APOA5: variants seen among roughly 807,000 people sequenced by gnomAD.
APOA5 encodes apolipoprotein A-V.
A neutral mutation model predicts 31.8 loss-of-function variants in APOA5; 26 were observed. That is an observed-to-expected ratio of 0.82 (90% CI 0.60 to 1.13). APOA5 has a LOEUF of 1.13. APOA5 is among the 50% of genes most tolerant of loss of function. The probability of loss-of-function intolerance (pLI) is 0.00; values close to 1 mark genes in which losing one functional copy is unlikely to be tolerated. For synonymous variants in APOA5, 186 were observed against 198.5 expected, an observed-to-expected ratio of 0.94 and a Z score of 0.53; for missense variants, 450 against 488.0, an observed-to-expected ratio of 0.92 and a Z score of 0.73.
Position 116,790,433 on chromosome 11 carries a change from T to A in APOA5, c.796A>T (p.Thr266Ser). The A allele has an allele frequency of 6.2e-7, 1 of 1,605,430 alleles. No homozygotes were observed. ...ELSRAFAGTG[T>S]EEGAGPDPQM... ...GGGTCCGGGCCGGCCCCTTCCTCAG[T>A]CCCAGTGCCTGCAAAGGCTCTGCTG... is the stretch of plus-strand genomic sequence containing the variant. Residue 266 changes from threonine (T) to serine (S), a missense_variant, in exon 3 of 3, where the codon ACT becomes TCT. By Grantham distance (58) the Thr-to-Ser change is moderately conservative (BLOSUM62 1). Coordinates refer to ENST00000227665, the MANE Select transcript of APOA5 (RefSeq NM_001371904.1).
At chr11:116,791,892 C>T (rs749614750), upstream of APOA5, 40 of 1,613,048 alleles carry the variant, frequency 2.5e-5, no homozygotes, top group Non-Finnish European at 3.3e-5. Context: ...TGGAGGGAGG[C>T]CTGGTTAGGG....
intron 2 of APOA5, chr11:116,791,334 G>T: frequency 2.8e-6 from 2 of 702,648 alleles, no homozygotes; most frequent in Middle Eastern, 2.3e-4. Context: ...TGCAGCGGGC[G>T]TCCTCCCGAT....
At chr11:116,792,329 A>G (rs1408182074), upstream of APOA5, 9 of 272,700 alleles carry the variant, frequency 3.3e-5, no homozygotes, top group East Asian at 7.4e-4. Context: ...GGCCACCTGC[A>G]ATGCCCTCCC....
rs778302124 is a variant in APOA5 at position 116,790,948 on chromosome 11, C to G, written c.281G>C (p.Arg94Pro). 1 of 1,613,120 alleles carries G rather than the reference C, an allele frequency of 6.2e-7. No individual in the cohort carries two copies. Among genetic ancestry groups the G allele is most frequent in the African/African-American group, 1.3e-5 (1 of 74,940 alleles). Residue 94 changes from arginine (R) to proline (P), a missense_variant, in exon 3 of 3, where the codon CGG becomes CCG. Coordinates refer to ENST00000227665, the MANE Select transcript of APOA5 (RefSeq NM_001371904.1). Reference sequence around the variant, plus strand: ...CTCCTCCAACTCCTCCTGCAGCTGCCGCCGCATGCCCACCGGGTCCTGTGG... The same window carrying G: ...CTCCTCCAACTCCTCCTGCAGCTGCGGCCGCATGCCCACCGGGTCCTGTGG... ...RLPQDPVGMR[R>P]QLQEELEEVK...
upstream of APOA5, chr11:116,791,946 G>A: frequency 6.7e-7 from 1 of 1,498,992 alleles, no homozygotes; most frequent in South Asian, 1.2e-5. Context: ...CTTGCCCAGG[G>A]GGCCTCTGCA....
Position 116,790,010 on chromosome 11 carries a change from G to A in APOA5, c.*118C>T. On this transcript the variant is annotated 3_prime_UTR_variant, in exon 3 of 3. Transcript: ENST00000227665. ...GCCCCTTTGGTGGCCTCCCTGTCCT[G>A]CACAGGACCTTCCACCCTCCACCCA... 4 of 1,141,726 alleles carry A rather than the reference G, an allele frequency of 3.5e-6. No individual in the cohort carries two copies. Among genetic ancestry groups the A allele is most frequent in the Non-Finnish European group, 3.8e-6 (3 of 779,546 alleles). 70.7% of individuals were successfully genotyped at this position (1,141,726 alleles called of 1,614,324 possible).
rs765615181 is a variant in APOA5, at chr11:116,790,519, A to G, written c.710T>C (p.Leu237Pro). Residue 237 changes from leucine to proline, a missense_variant, in exon 3 of 3, where the codon CTC becomes CCC. Coordinates refer to ENST00000227665, the MANE Select transcript of APOA5 (RefSeq NM_001371904.1). ...CVQVLSRKLT[L>P]KAKALHARIQ... ...GCGTGCGTGCAGGGCCTTGGCCTTG[A>G]GCGTGAGCTTCCGGGAGAGCACCTG... The G allele has an allele frequency of 6.3e-7, 1 of 1,599,180 alleles. No homozygotes were observed.
Position 116,790,883 on chromosome 11 carries a change from C to A in APOA5, c.346G>T (p.Glu116Ter). Residue 116 changes from glutamate (E) to a stop codon, truncating the protein, a stop_gained, in exon 3 of 3, where the codon GAG becomes TAG. Transcript: ENST00000227665. LOFTEE classifies it high-confidence loss of function. ...CCCTCCAAATTCCAGCCCACCAGCT[C>A]GTGCGCCTCTGCCATGTAGGGCTGG... ...RLQPYMAEAH[E>*]LVGWNLEGLR... 1 of 1,613,666 alleles carries A rather than the reference C, an allele frequency of 6.2e-7. No individual in the cohort carries two copies.
upstream of APOA5, chr11:116,791,956 A>C (rs1941022416): frequency 7.2e-7 from 1 of 1,386,346 alleles, no homozygotes; most frequent in Non-Finnish European, 1.0e-6. Flanking sequence ...GGGCCTCTGC[A>C]GGGGCAACTG....
At chr11:116,791,485 C>G (rs1941010494) in intron 2 of APOA5, 101 bp downstream of exon 2, 1 of 1,230,196 alleles carries the variant, frequency 8.1e-7, no homozygotes, top group Non-Finnish European at 1.2e-6. Context: ...TTTCCTCTGT[C>G]CCAGCAGCGG....
chr11:116,791,218 T>C, intron 2 of APOA5, 151 bp from the exon 3 acceptor site: 2 of 742,366 alleles, frequency 2.7e-6, no homozygotes, highest in South Asian at 1.5e-5. Flanking sequence ...CCCTGGCCAG[T>C]AACAACTCAC....
At chr11:116,791,223 A>C in intron 2 of APOA5, 156 bp from the exon 3 acceptor site, 1 of 730,988 alleles carries the variant, frequency 1.4e-6, no homozygotes, top group Non-Finnish European at 2.4e-6. Flanking sequence ...GCCAGTAACA[A>C]CTCACGCACG....
upstream of APOA5, chr11:116,792,314 CCT>C (rs1337219090): frequency 7.1e-6 from 2 of 281,124 alleles, no homozygotes; most frequent in Non-Finnish European, 1.4e-5. Context: ...CAGGCTCTCC[CCT>C]GAGGCCACCT....
rs1940978343 is a variant in APOA5 at position 116,790,438 on chromosome 11, G to GT, written c.790dup (p.Thr264AsnfsTer4). 1 of 1,605,030 alleles carries GT rather than the reference G, an allele frequency of 6.2e-7. No homozygotes were observed. Among genetic ancestry groups the GT allele is most frequent in the Non-Finnish European group, 8.5e-7 (1 of 1,179,988 alleles). On this transcript the variant is annotated frameshift_variant, in exon 3 of 3. Transcript: ENST00000227665. LOFTEE classifies it high-confidence loss of function. The stretch of plus-strand genomic sequence containing the variant: ...CGGGCCGGCCCCTTCCTCAGTCCCA[G>GT]TGCCTGCAAAGGCTCTGCTGAGCTC...
rs780750063 is a variant in APOA5 at position 116,791,866 on chromosome 11, G to C, written c.-6C>G. The stretch of plus-strand genomic sequence containing the variant: ...ACGGCAGCCATGCTTGCCATTACCT[G>C]CTCTGAGAAGACAGGTGGAGGGAGG... On this transcript the variant is annotated 5_prime_UTR_variant, in exon 1 of 3. Transcript: ENST00000227665. 6 of 1,613,996 alleles carry C rather than the reference G, an allele frequency of 3.7e-6. No individual in the cohort carries two copies. In the South Asian group the frequency reaches 6.6e-5, roughly 18 times the overall value.
chr11:116,790,072 T>G lies in APOA5; in HGVS notation c.*56A>C. 3 of 1,577,054 alleles carry G rather than the reference T, an allele frequency of 1.9e-6. No individual in the cohort carries two copies. Among genetic ancestry groups the G allele is most frequent in the Non-Finnish European group, 2.6e-6 (3 of 1,155,862 alleles). On this transcript the variant is annotated 3_prime_UTR_variant, in exon 3 of 3. Coordinates refer to ENST00000227665, the MANE Select transcript of APOA5 (RefSeq NM_001371904.1). ...TCAAGGACTGAACCATGCTAGAGGC[T>G]CAGAGCCAAGGCTCCCCAGACAAGG...
chr11:116,790,428 C>G lies in APOA5; in HGVS notation c.801G>C (p.Glu267Asp). Reference sequence around the variant, plus strand: ...TCTGGGGGTCCGGGCCGGCCCCTTCCTCAGTCCCAGTGCCTGCAAAGGCTC... The same window carrying G: ...TCTGGGGGTCCGGGCCGGCCCCTTCGTCAGTCCCAGTGCCTGCAAAGGCTC... ...LSRAFAGTGT[E>D]EGAGPDPQML... The change falls in exon 3 of 3, where the codon GAG (glutamate) becomes GAC (aspartate). Residue 267 changes from glutamate (E) to aspartate (D), a missense_variant. Transcript: ENST00000227665. The G allele has an allele frequency of 4.4e-6, 7 of 1,605,908 alleles. No homozygotes were observed. The highest frequency in any genetic ancestry group is 5.9e-6 in the Non-Finnish European group (7 of 1,179,992).
rs763777417 is a variant in APOA5 at position 116,790,202 on chromosome 11, G to T, written c.1027C>A (p.Arg343Ser). 2.5e-6 allele frequency: 4 copies of T among 1,614,246 alleles called. No homozygotes were observed. In the Admixed American group the frequency reaches 5.0e-5, roughly 20 times the overall value. ...SGKVLSKLQA[R>S]LDDLWEDITH... Reference sequence around the variant, plus strand: ...ATGTCTTCCCACAGGTCATCCAGACGGGCCTGCAGCTTGCTCAGAACCTTG... The same window carrying T: ...ATGTCTTCCCACAGGTCATCCAGACTGGCCTGCAGCTTGCTCAGAACCTTG... Residue 343 changes from arginine (R) to serine (S), a missense_variant, in exon 3 of 3, where the codon CGT becomes AGT. Coordinates refer to ENST00000227665, the MANE Select transcript of APOA5 (RefSeq NM_001371904.1).
At chr11:116,791,737 T>C in intron 1 of APOA5, 40 bp from the exon 2 acceptor site, 1 of 1,611,162 alleles carries the variant, frequency 6.2e-7, no homozygotes, top group Non-Finnish European at 8.5e-7. Context: ...TGGGCTCTCC[T>C]CCCCCAGGGT....
Sources: allele counts gnomAD v4.1 joint callset, GRCh38; gene constraint gnomAD v4.1.1; transcripts MANE v1.5; gene names NCBI Gene and HGNC (gene_info 2026-07-23, HGNC 2026-07-21).